The following SLC10A7 variants were observed in gnomAD, a reference collection of about 807,000 sequenced individuals.
SLC10A7 encodes the protein solute carrier family 10 member 7, also known as sodium/bile acid cotransporter 7.
SLC10A7 carries 29 observed loss-of-function variants against 43.2 expected under a neutral mutation model. The ratio of observed to expected loss-of-function variants is 0.67; its 90% CI spans 0.50 to 0.92. The LOEUF (loss-of-function observed/expected upper bound fraction) is 0.92, where lower values mean the gene tolerates loss of function less well. SLC10A7 is among the 40% of genes least tolerant of loss of function. The pLI, the probability that SLC10A7 is intolerant of heterozygous loss-of-function variation, is 0.00. For synonymous variants in SLC10A7, 152 were observed against 144.8 expected, an observed-to-expected ratio of 1.05 and a Z score of -0.35; for missense variants, 295 against 403.2, an observed-to-expected ratio of 0.73 and a Z score of 2.30.
chr4:146,382,336 T>C (rs1737686490), intron 5 of SLC10A7, among the ~76,000 whole-genome samples: 1 of 152,184 alleles, frequency 6.6e-6, no homozygotes. Context: ...TCTTCCATTG[T>C]GCCATCACTG....
chr4:146,416,260 C>A (rs568411148), intron 5 of SLC10A7, among the ~76,000 whole-genome samples: 4 of 152,128 alleles, frequency 2.6e-5, no homozygotes, highest in African/African-American at 9.7e-5. Context: ...AGCATGAGAG[C>A]CATGCCTAGT....
At chr4:146,486,089 G>T (rs1579311146) in intron 4 of SLC10A7, among the ~76,000 whole-genome samples, 3 of 152,110 alleles carry the variant, frequency 2.0e-5, no homozygotes, top group Admixed American at 1.3e-4. Context: ...CTTTTTTCAG[G>T]TATCATGATA....
At chr4:146,462,493 C>G (rs572230945) in intron 4 of SLC10A7, among the ~76,000 whole-genome samples, 35 of 152,204 alleles carry the variant, frequency 2.3e-4, no homozygotes, top group African/African-American at 8.4e-4. Flanking sequence ...GAAGAGCTCC[C>G]CCCAAACACT....
chr4:146,258,897 C>T (rs913163573), intron 10 of SLC10A7, 60 bp from the exon 11 acceptor site: 2 of 1,538,332 alleles, frequency 1.3e-6, no homozygotes, highest in Admixed American at 2.0e-5. Context: ...AAATTAAATG[C>T]ATACTCCATC....
chr4:146,483,566 A>G (rs1241075342), intron 4 of SLC10A7, among the ~76,000 whole-genome samples: 1 of 152,150 alleles, frequency 6.6e-6, no homozygotes, highest in Non-Finnish European at 1.5e-5. Flanking sequence ...AGGAATAAAG[A>G]ACAAAACAAC....
chr4:146,275,053 G>T (rs989577162), intron 10 of SLC10A7, among the ~76,000 whole-genome samples: 1 of 152,168 alleles, frequency 6.6e-6, no homozygotes, highest in Admixed American at 6.5e-5. Flanking sequence ...GACTCTAGAT[G>T]GCAATAATGA....
intron 5 of SLC10A7, among the ~76,000 whole-genome samples, chr4:146,348,236 A>G (rs1734765227): frequency 6.6e-6 from 1 of 152,210 alleles, no homozygotes; most frequent in East Asian, 1.9e-4. Context: ...TTCTAAATGA[A>G]TGAAGTATGT....
At chr4:146,303,487 C>T (rs1731301570) in intron 7 of SLC10A7, among the ~76,000 whole-genome samples, 1 of 151,184 alleles carries the variant, frequency 6.6e-6, no homozygotes, top group South Asian at 2.1e-4. Context: ...AAGTGATTCT[C>T]CTGCACCAAC....
At chr4:146,343,925 T>C (rs1313666494) in intron 5 of SLC10A7, among the ~76,000 whole-genome samples, 1 of 152,068 alleles carries the variant, frequency 6.6e-6, no homozygotes, top group African/African-American at 2.4e-5. Flanking sequence ...GGAATGTTGT[T>C]CTTCGAGTCT....
intron 4 of SLC10A7, among the ~76,000 whole-genome samples, chr4:146,485,987 G>A (rs1477840005): frequency 6.6e-6 from 1 of 151,852 alleles, no homozygotes; most frequent in Non-Finnish European, 1.5e-5. Flanking sequence ...AAAATCAAGT[G>A]GACAATTATG....
intron 5 of SLC10A7, among the ~76,000 whole-genome samples, chr4:146,339,594 C>G (rs1211122280): frequency 6.6e-6 from 1 of 151,906 alleles, no homozygotes; most frequent in Non-Finnish European, 1.5e-5. Flanking sequence ...CCTGCCACCC[C>G]CAACACAAAG....
chr4:146,493,620 A>G (rs1579330643), intron 4 of SLC10A7, among the ~76,000 whole-genome samples: 1 of 152,264 alleles, frequency 6.6e-6, no homozygotes, highest in Admixed American at 6.5e-5. Flanking sequence ...GAAACATCCT[A>G]TAAATCTATT....
chr4:146,439,806 C>T (rs541802550), intron 5 of SLC10A7, among the ~76,000 whole-genome samples: 1 of 152,222 alleles, frequency 6.6e-6, no homozygotes, highest in East Asian at 1.9e-4. Flanking sequence ...TACTACTACC[C>T]ATAATCCTAA....
At chr4:146,493,227 TAAAAG>T (rs1046896039) in intron 4 of SLC10A7, among the ~76,000 whole-genome samples, 24 of 152,200 alleles carry the variant, frequency 1.6e-4, no homozygotes, top group African/African-American at 5.8e-4. Flanking sequence ...TTAGATTAGC[TAAAAG>T]AAAAGTTAGA....
At chr4:146,496,201 G>A (rs1471699328) in intron 4 of SLC10A7, among the ~76,000 whole-genome samples, 1 of 152,080 alleles carries the variant, frequency 6.6e-6, no homozygotes, top group Non-Finnish European at 1.5e-5. Flanking sequence ...TTTTTGTGAG[G>A]TTTATAACAT....
intron 7 of SLC10A7, among the ~76,000 whole-genome samples, chr4:146,300,993 A>G (rs1429916150): frequency 6.6e-6 from 1 of 152,218 alleles, no homozygotes; most frequent in Non-Finnish European, 1.5e-5. Flanking sequence ...GTTATTAAGT[A>G]TACCTATAAA....
intron 1 of SLC10A7, among the ~76,000 whole-genome samples, chr4:146,520,215 C>A (rs1738493425): frequency 6.6e-6 from 1 of 152,188 alleles, no homozygotes; most frequent in Non-Finnish European, 1.5e-5. Flanking sequence ...GTGAAGTGTG[C>A]ATTGCAGATC....
intron 5 of SLC10A7, among the ~76,000 whole-genome samples, chr4:146,332,604 G>A (rs914995038): frequency 6.6e-6 from 1 of 152,132 alleles, no homozygotes; most frequent in Non-Finnish European, 1.5e-5. Context: ...CCATGAGTAA[G>A]TGCTCCCTGA....
At chr4:146,500,542 T>C (rs892921328) in intron 4 of SLC10A7, among the ~76,000 whole-genome samples, 2 of 152,172 alleles carry the variant, frequency 1.3e-5, no homozygotes, top group African/African-American at 4.8e-5. Flanking sequence ...CTGACAGTCA[T>C]ACAACTCAAT....
Sources: allele counts gnomAD v4.1 joint callset (sites outside exome capture counted in the v4.1 genomes callset), GRCh38; gene constraint gnomAD v4.1.1; transcripts MANE v1.5; gene names NCBI Gene and HGNC (gene_info 2026-07-23, HGNC 2026-07-21).